The following TBL1XR1 variants were observed in gnomAD, a reference collection of about 807,000 sequenced individuals.
The protein encoded by TBL1XR1 is F-box-like/WD repeat-containing protein TBL1XR1.
A neutral mutation model predicts 66.9 loss-of-function variants in TBL1XR1; 5 were observed. The ratio of observed to expected loss-of-function variants is 0.07; its 90% CI spans 0.04 to 0.16. TBL1XR1 has a LOEUF of 0.16. TBL1XR1 is among the 10% of genes least tolerant of loss of function. The probability of loss-of-function intolerance (pLI) is 1.00; values close to 1 mark genes in which losing one functional copy is unlikely to be tolerated. For synonymous variants in TBL1XR1, 210 were observed against 206.0 expected, an observed-to-expected ratio of 1.02 and a Z score of -0.17; for missense variants, 238 against 623.2, an observed-to-expected ratio of 0.38 and a Z score of 6.58.
chr3:177,166,915 C>T (rs1023077210), intron 1 of TBL1XR1, among the ~76,000 whole-genome samples: 4 of 152,124 alleles, frequency 2.6e-5, no homozygotes, highest in East Asian at 1.9e-4. Context: ...AAAATGGTAC[C>T]GCCACTTTGG....
chr3:177,192,111 G>C (rs1736220052), intron 1 of TBL1XR1, among the ~76,000 whole-genome samples: 1 of 146,444 alleles, frequency 6.8e-6, no homozygotes, highest in Admixed American at 6.9e-5. Context: ...AAAAAAAAGA[G>C]TTGAAGCTGG....
At chr3:177,051,773 A>T in intron 4 of TBL1XR1, 47 bp from the exon 5 acceptor site, 1 of 1,446,266 alleles carries the variant, frequency 6.9e-7, no homozygotes, top group Non-Finnish European at 9.2e-7. Context: ...GGCAATATTT[A>T]AAGTTATTTG....
chr3:177,032,100 T>C (rs989121694), intron 14 of TBL1XR1, among the ~76,000 whole-genome samples: 5 of 152,198 alleles, frequency 3.3e-5, no homozygotes, highest in Non-Finnish European at 7.3e-5. Context: ...AAATATTACT[T>C]TATATTGTCA....
At chr3:177,146,689 A>T (rs1730298565) in intron 1 of TBL1XR1, among the ~76,000 whole-genome samples, 1 of 151,780 alleles carries the variant, frequency 6.6e-6, no homozygotes, top group Admixed American at 6.6e-5. Flanking sequence ...GTATCTAATA[A>T]TTTTCCAAAA....
At chr3:177,139,144 G>A (rs1019701531) in intron 1 of TBL1XR1, among the ~76,000 whole-genome samples, 2 of 152,094 alleles carry the variant, frequency 1.3e-5, no homozygotes, top group African/African-American at 2.4e-5. Flanking sequence ...TATCCTCATA[G>A]GGACTCAAAA....
intron 3 of TBL1XR1, among the ~76,000 whole-genome samples, chr3:177,058,416 G>A (rs1180516371): frequency 2.0e-5 from 3 of 152,058 alleles, no homozygotes; most frequent in African/African-American, 4.8e-5. Context: ...CCCTAATTTT[G>A]CCCTTAAAAA....
At chr3:177,126,101 T>C (rs944718224) in intron 1 of TBL1XR1, 1 of 151,870 alleles carries the variant, frequency 6.6e-6, no homozygotes, top group African/African-American at 2.4e-5. Flanking sequence ...TTTTAACATA[T>C]GTGCTGCCAA....
chr3:177,058,580 A>G (rs558288901), intron 3 of TBL1XR1, among the ~76,000 whole-genome samples: 2 of 152,352 alleles, frequency 1.3e-5, no homozygotes, highest in African/African-American at 2.4e-5. Flanking sequence ...TCAAATATCT[A>G]TATGTATAGG....
chr3:177,083,702 T>C (rs1255311024), intron 2 of TBL1XR1, among the ~76,000 whole-genome samples: 2 of 152,214 alleles, frequency 1.3e-5, no homozygotes, highest in African/African-American at 4.8e-5. Context: ...AATACATCTA[T>C]TCAAAGAACT....
intron 1 of TBL1XR1, among the ~76,000 whole-genome samples, chr3:177,131,750 C>T (rs1728319100): frequency 6.6e-6 from 1 of 151,962 alleles, no homozygotes; most frequent in African/African-American, 2.4e-5. Context: ...GATCCACTCT[C>T]CTTGGTCTCC....
At chr3:177,053,105 C>T (rs902621688) in intron 4 of TBL1XR1, among the ~76,000 whole-genome samples, 2 of 151,974 alleles carry the variant, frequency 1.3e-5, no homozygotes, top group African/African-American at 4.8e-5. Flanking sequence ...CCGTCACACA[C>T]AAAACAAAAC....
At chr3:177,073,721 T>C (rs1467846170) in intron 2 of TBL1XR1, among the ~76,000 whole-genome samples, 1 of 152,210 alleles carries the variant, frequency 6.6e-6, no homozygotes, top group Non-Finnish European at 1.5e-5. Flanking sequence ...GTGGGCTTCA[T>C]AGCCAAACTT....
chr3:177,108,801 T>C lies in TBL1XR1; in HGVS notation c.-121-10260A>G, dbSNP rs576734475. Among the ~76,000 whole-genome samples the C allele has an allele frequency of 3.3e-5, 5 of 152,190 alleles. No individual in the cohort carries two copies. In the South Asian group the frequency reaches 1.0e-3, roughly 32 times the overall value. On this transcript the variant is annotated intron_variant, in intron 1 of 15. Transcript: ENST00000457928. ...ACAAAGAAACAGACAATAAAGACAC[T>C]GGGCTAGCTGAGACTGGTCCTGGAA...
At chr3:177,145,292 G>A (rs1730115367) in intron 1 of TBL1XR1, among the ~76,000 whole-genome samples, 1 of 152,168 alleles carries the variant, frequency 6.6e-6, no homozygotes, top group East Asian at 1.9e-4. Flanking sequence ...GCTCATTTAT[G>A]TACTATTTAT....
intron 2 of TBL1XR1, among the ~76,000 whole-genome samples, chr3:177,083,009 C>T (rs1237835984): frequency 6.6e-6 from 1 of 151,558 alleles, no homozygotes; most frequent in Admixed American, 6.6e-5. Flanking sequence ...CCATCCGTCT[C>T]GGCCTCCAAA....
intron 1 of TBL1XR1, among the ~76,000 whole-genome samples, chr3:177,113,024 C>T (rs923710920): frequency 6.6e-6 from 1 of 151,486 alleles, no homozygotes; most frequent in Non-Finnish European, 1.5e-5. Flanking sequence ...CACACACACA[C>T]GGAATAGAAT....
chr3:177,189,069 A>C (rs1378049976), intron 1 of TBL1XR1, among the ~76,000 whole-genome samples: 8 of 151,324 alleles, frequency 5.3e-5, no homozygotes, highest in African/African-American at 4.9e-5. Context: ...TTAGCCGGGC[A>C]TGGTGGCACG....
chr3:177,083,293 T>A (rs778580915), intron 2 of TBL1XR1, among the ~76,000 whole-genome samples: 2 of 151,050 alleles, frequency 1.3e-5, no homozygotes, highest in African/African-American at 2.4e-5. Flanking sequence ...TCTAATTATG[T>A]ATCCATCCCC....
At chr3:177,073,555 G>A (rs1300894329) in intron 2 of TBL1XR1, among the ~76,000 whole-genome samples, 2 of 152,092 alleles carry the variant, frequency 1.3e-5, no homozygotes, top group Admixed American at 6.5e-5. Context: ...ACTTCTATTT[G>A]GAAAGATTCA....
Sources: gnomAD v4.1 joint callset for allele counts (sites outside exome capture counted in the v4.1 genomes callset) on GRCh38, gnomAD v4.1.1 for gene constraint, MANE v1.5 for transcripts, NCBI Gene and HGNC (gene_info 2026-07-23, HGNC 2026-07-21) for gene names.